Variants in RGS18 observed in about 807,000 individuals in gnomAD.
RGS18 encodes regulator of G protein signaling 18.
Under a neutral mutation model 27.6 loss-of-function variants are expected in RGS18, and 22 were observed. The ratio of observed to expected loss-of-function variants is 0.80; its 90% CI spans 0.57 to 1.14. The LOEUF (loss-of-function observed/expected upper bound fraction) is 1.14, where lower values mean the gene tolerates loss of function less well. Ranked by LOEUF, RGS18 falls within the 50% of genes most tolerant of loss-of-function variation. RGS18 has a pLI of 0.00. For missense variants in RGS18, 299 were observed against 269.6 expected (o/e 1.11, Z -0.76); for synonymous variants, 89 against 84.6 (o/e 1.05, Z -0.29).
At chr1:192,178,352 A>C (rs1284150518) in intron 3 of RGS18, among the ~76,000 whole-genome samples, 1 of 151,658 alleles carries the variant, frequency 6.6e-6, no homozygotes, top group Admixed American at 6.6e-5. Context: ...GCTCAGGAAA[A>C]AGGCTTGAGA....
chr1:192,172,871 A>ATATC (rs1300096001), intron 3 of RGS18, among the ~76,000 whole-genome samples: 1 of 135,008 alleles, frequency 7.4e-6, no homozygotes, highest in Non-Finnish European at 1.6e-5. Flanking sequence ...ATGCATATAT[A>ATATC]TATATATATA....
intron 3 of RGS18, among the ~76,000 whole-genome samples, chr1:192,166,446 T>C (rs12138354): frequency 0.41 from 62,882 of 151,990 alleles, 14,408 homozygotes; most frequent in East Asian, 0.71. Context: ...TATAATTAAG[T>C]TGGGAACAAA....
chr1:192,177,373 G>GT (rs557410613), intron 3 of RGS18, among the ~76,000 whole-genome samples: 10 of 150,172 alleles, frequency 6.7e-5, no homozygotes, highest in African/African-American at 1.7e-4. Context: ...AGTGTTTCAT[G>GT]TTTTTTTAAT....
chr1:192,178,980 A>G (rs145048677), intron 3 of RGS18, among the ~76,000 whole-genome samples: 1 of 151,710 alleles, frequency 6.6e-6, no homozygotes, highest in East Asian at 2.0e-4. Context: ...GAAGATGGGC[A>G]AATAGGGAAG....
intron 3 of RGS18, among the ~76,000 whole-genome samples, chr1:192,179,594 T>G (rs184956384): frequency 2.6e-5 from 4 of 151,780 alleles, no homozygotes; most frequent in Admixed American, 6.6e-5. Context: ...AATGATAGTA[T>G]ATTCATATCA....
intron 3 of RGS18, among the ~76,000 whole-genome samples, chr1:192,167,013 C>T (rs367873702): frequency 3.2e-4 from 49 of 152,248 alleles, no homozygotes; most frequent in African/African-American, 1.1e-3. Flanking sequence ...CGTGTGTACC[C>T]TTTTATCCAG....
At chr1:192,184,250 T>G in intron 4 of RGS18, 47 bp from the exon 5 acceptor site, 2 of 1,548,178 alleles carry the variant, frequency 1.3e-6, no homozygotes, top group Non-Finnish European at 1.8e-6. Context: ...CAAAGTTGTT[T>G]ATATAAGCAT....
intron 3 of RGS18, 100 bp from the exon 4 acceptor site, chr1:192,181,192 A>G (rs1376576811): frequency 1.9e-5 from 12 of 637,336 alleles, no homozygotes; most frequent in Non-Finnish European, 2.8e-5. Context: ...GGGAAGATGT[A>G]GGTTTTCTGT....
intron 3 of RGS18, among the ~76,000 whole-genome samples, chr1:192,172,866 T>TATATATATATATATATATATATATATAA: frequency 7.6e-6 from 1 of 132,334 alleles, no homozygotes; most frequent in Non-Finnish European, 1.6e-5. Flanking sequence ...AAAATATGCA[T>TATATATATATATATATATATATATATAA]ATATATATAT....
At chr1:192,160,099 A>G (rs778712139) in intron 2 of RGS18, among the ~76,000 whole-genome samples, 3 of 152,034 alleles carry the variant, frequency 2.0e-5, no homozygotes, top group Non-Finnish European at 4.4e-5. Flanking sequence ...GTGCCCTTTA[A>G]CCTAAAAAAG....
chr1:192,184,314 C>T lies in RGS18; in HGVS notation c.468C>T (p.His156=). 1 of 1,607,418 alleles carries T rather than the reference C, an allele frequency of 6.2e-7. No homozygotes were observed. The highest frequency in any genetic ancestry group is 8.5e-7 in the Non-Finnish European group (1 of 1,175,172). Residue 156 remains histidine (H), a synonymous_variant, in exon 5 of 5, where the codon CAC becomes CAT. Transcript: ENST00000367460. ...TTATCCAGGTTAACCTTGATTTTCACACAAAAGAAGTCATTACAAACAGCA... is the reference window on the plus strand; with the variant it reads ...TTATCCAGGTTAACCTTGATTTTCATACAAAAGAAGTCATTACAAACAGCA... ...DAPKEVNLDF[H]TKEVITNSIT... is the part of the protein sequence containing the mutation.
At chr1:192,177,826 T>A (rs1656383041) in intron 3 of RGS18, among the ~76,000 whole-genome samples, 1 of 151,672 alleles carries the variant, frequency 6.6e-6, no homozygotes, top group Admixed American at 6.6e-5. Flanking sequence ...TCTCTGTGAG[T>A]GGAGCTTAAA....
At chr1:192,175,500 G>A (rs1449389059) in intron 3 of RGS18, among the ~76,000 whole-genome samples, 3 of 151,736 alleles carry the variant, frequency 2.0e-5, no homozygotes, top group Non-Finnish European at 4.4e-5. Flanking sequence ...AATTGTCTTA[G>A]TATGAGGACA....
At chr1:192,164,599 A>C (rs181576812) in intron 3 of RGS18, among the ~76,000 whole-genome samples, 1 of 152,178 alleles carries the variant, frequency 6.6e-6, no homozygotes, top group African/African-American at 2.4e-5. Flanking sequence ...CCAACATAAG[A>C]TATTAATAAC....
chr1:192,182,930 G>C (rs1656480509), intron 4 of RGS18, among the ~76,000 whole-genome samples: 2 of 151,496 alleles, frequency 1.3e-5, no homozygotes, highest in South Asian at 4.1e-4. Context: ...TCTTACAATA[G>C]AGAGATGAGG....
intron 3 of RGS18, among the ~76,000 whole-genome samples, chr1:192,165,999 CATAATCATAAATTTTTAATTTAGTTTT>C (rs1656156961): frequency 6.6e-6 from 1 of 152,142 alleles, no homozygotes; most frequent in South Asian, 2.1e-4. Context: ...ATCTGTCATT[CATAATCATAAATTTTTAATTTAGTTTT>C]ATCAGTCTTC....
In RGS18 at chr1:192,160,444, G is replaced by C; in HGVS notation, c.283+5G>C. 1 of 1,602,466 alleles carries C rather than the reference G, an allele frequency of 6.2e-7. No homozygotes were observed. The highest frequency in any genetic ancestry group is 8.5e-7 in the Non-Finnish European group (1 of 1,169,678). ...ACAAACTGCTTTCCCATAGAGGTTA[G>C]TGGTACTTTCACCAAATACTTTGTG... is the stretch of plus-strand genomic sequence containing the variant. On this transcript the variant is annotated splice_donor_5th_base_variant and intron_variant, in intron 3 of 4. Transcript: ENST00000367460.
At chr1:192,161,032 A>G (rs1321246466) in intron 3 of RGS18, among the ~76,000 whole-genome samples, 1 of 152,096 alleles carries the variant, frequency 6.6e-6, no homozygotes, top group African/African-American at 2.4e-5. Context: ...TTGTATTTTT[A>G]GTAGAGACAG....
intron 3 of RGS18, among the ~76,000 whole-genome samples, chr1:192,177,281 A>G (rs925305524): frequency 6.7e-6 from 1 of 149,518 alleles, no homozygotes; most frequent in Non-Finnish European, 1.5e-5. Flanking sequence ...TTGCTTTTTT[A>G]TGTTACCAGC....
Sources: gnomAD v4.1 joint callset for allele counts (sites outside exome capture counted in the v4.1 genomes callset) on GRCh38, gnomAD v4.1.1 for gene constraint, MANE v1.5 for transcripts, NCBI Gene and HGNC (gene_info 2026-07-23, HGNC 2026-07-21) for gene names.